Variants in DNAAF1 observed in about 807,000 individuals in gnomAD.
DNAAF1 encodes dynein axonemal assembly factor 1, also known as dynein assembly factor 1, axonemal.
A neutral mutation model predicts 71.1 loss-of-function variants in DNAAF1; 65 were observed. The observed-to-expected ratio is 0.91, with a 90% CI of 0.75 to 1.12. The LOEUF (loss-of-function observed/expected upper bound fraction) is 1.12, where lower values mean the gene tolerates loss of function less well. Ranked by LOEUF, DNAAF1 falls within the 50% of genes most tolerant of loss-of-function variation. The pLI, the probability that DNAAF1 is intolerant of heterozygous loss-of-function variation, is 0.00. For missense variants in DNAAF1, 1,178 were observed against 899.8 expected (o/e 1.31, Z -3.96); for synonymous variants, 414 against 354.6 (o/e 1.17, Z -1.88).
chr16:84,172,138 A>G (rs1020097614), intron 8 of DNAAF1, 122 bp from the exon 9 acceptor site: 4 of 902,124 alleles, frequency 4.4e-6, no homozygotes, highest in Admixed American at 2.0e-5. Context: ...TGGCCCCCCA[A>G]AGTGTTGGGA....
At chr16:84,160,447 C>G (rs2087646460) in intron 6 of DNAAF1, among the ~76,000 whole-genome samples, 1 of 152,108 alleles carries the variant, frequency 6.6e-6, no homozygotes, top group African/African-American at 2.4e-5. Context: ...TTTTAACTTA[C>G]TTTTAAATTT....
At chr16:84,173,252 A>C (rs1466447374) in intron 9 of DNAAF1, 1 of 881,122 alleles carries the variant, frequency 1.1e-6, no homozygotes. Flanking sequence ...TCACGAGGTC[A>C]GGAGATCGAG....
At position 84,177,746 on chromosome 16, in the gene DNAAF1, G is replaced by T; in HGVS notation, c.2083G>T (p.Ala695Ser). 3 of 1,613,826 alleles carry T rather than the reference G, an allele frequency of 1.9e-6. No individual in the cohort carries two copies. The highest frequency in any genetic ancestry group is 2.2e-5 in the East Asian group (1 of 44,878). Residue 695 changes from alanine to serine, a missense_variant, in exon 12 of 12, where the codon GCC becomes TCC. By Grantham distance (99) the Ala-to-Ser change is moderately conservative (BLOSUM62 1). Coordinates refer to ENST00000378553, the MANE Select transcript of DNAAF1 (RefSeq NM_178452.6). ...TTCCACAGTGCCGACTGAGAGCGCC[G>T]CCACACCCCCAGAGACGTGTGTCGG... is the stretch of plus-strand genomic sequence containing the variant. ...ASSPVPTESA[A>S]TPPETCVGVA...
intron 3 of DNAAF1, among the ~76,000 whole-genome samples, chr16:84,150,655 G>A (rs888833216): frequency 8.4e-6 from 1 of 119,212 alleles, no homozygotes; most frequent in Admixed American, 1.1e-4. Flanking sequence ...TTGCTCTGTT[G>A]CCCAAGCTGA....
At position 84,152,216 on chromosome 16, in the gene DNAAF1, G is replaced by A. The variant is rs568942449; in HGVS notation, c.352+1874G>A. Among the ~76,000 whole-genome samples, 3 of 152,308 alleles carry A rather than the reference G, an allele frequency of 2.0e-5. No individual in the cohort carries two copies. The South Asian group carries it at 6.2e-4, about 32-fold the overall frequency. ...TGGAGATGGCTTGAACAGCAAAGGG[G>A]GAGGAGATGGGGTAAGAGCTAGAGC... On this transcript the variant is annotated intron_variant, in intron 3 of 11. Coordinates refer to ENST00000378553, the MANE Select transcript of DNAAF1 (RefSeq NM_178452.6).
At position 84,145,464 on chromosome 16, in the gene DNAAF1, T is replaced by A; in HGVS notation, c.24T>A (p.Pro8=). MHPEPSE[P]ATGGAAELDC... The stretch of plus-strand genomic sequence containing the variant: ...ACATGCACCCTGAGCCCTCGGAGCC[T>A]GCGACAGGTGGTGCAGCAGAGCTGG... Residue 8 remains proline (P), a synonymous_variant, in exon 1 of 12, where the codon CCT becomes CCA. Coordinates refer to ENST00000378553, the MANE Select transcript of DNAAF1 (RefSeq NM_178452.6). The A allele has an allele frequency of 1.9e-6, 3 of 1,578,918 alleles. No homozygotes were observed. The highest frequency in any genetic ancestry group is 2.6e-6 in the Non-Finnish European group (3 of 1,162,870).
chr16:84,174,137 G>C (rs1453428873), intron 9 of DNAAF1: 8 of 985,330 alleles, frequency 8.1e-6, no homozygotes, highest in Non-Finnish European at 4.8e-6. Flanking sequence ...TGGTGGGGGA[G>C]TAACAACCTA....
chr16:84,166,858 T>G (rs1440152725), intron 7 of DNAAF1, among the ~76,000 whole-genome samples: 1 of 152,202 alleles, frequency 6.6e-6, no homozygotes, highest in Non-Finnish European at 1.5e-5. Context: ...GTAGGAAAAC[T>G]CAAATAGGTT....
At chr16:84,153,162 A>G (rs547499796) in intron 3 of DNAAF1, among the ~76,000 whole-genome samples, 1 of 152,138 alleles carries the variant, frequency 6.6e-6, no homozygotes, top group Non-Finnish European at 1.5e-5. Context: ...AAAAAATCCT[A>G]TCTTTTATAG....
rs565729604 is a variant in DNAAF1, at chr16:84,149,308, A to G, written c.260+166A>G. Among the ~76,000 whole-genome samples, 4 of 152,312 alleles carry G rather than the reference A, an allele frequency of 2.6e-5. No individual in the cohort carries two copies. The East Asian group carries it at 7.7e-4, about 29-fold the overall frequency. Reference sequence around the variant, plus strand: ...CTGCCTCTGCCGCACAGCTGAGCGCACATTCTATTAAACTTTAATGCCAGA... The same window carrying G: ...CTGCCTCTGCCGCACAGCTGAGCGCGCATTCTATTAAACTTTAATGCCAGA... On this transcript the variant is annotated intron_variant, in intron 2 of 11. Coordinates refer to ENST00000378553, the MANE Select transcript of DNAAF1 (RefSeq NM_178452.6).
chr16:84,152,597 A>G (rs1002639396), intron 3 of DNAAF1, among the ~76,000 whole-genome samples: 94 of 150,294 alleles, frequency 6.3e-4, no homozygotes, highest in Non-Finnish European at 1.9e-4. Context: ...GCAGTGAGCC[A>G]AGATTGTGCT....
At chr16:84,174,475 A>C in intron 9 of DNAAF1, 194 bp from the exon 10 acceptor site, 1 of 1,463,936 alleles carries the variant, frequency 6.8e-7, no homozygotes, top group Non-Finnish European at 9.0e-7. Flanking sequence ...AGATCCAGAC[A>C]CCTGAGGTGG....
At chr16:84,156,851 C>CTTTTTTTTTTTTTT (rs778916785) in intron 5 of DNAAF1, among the ~76,000 whole-genome samples, 10 of 111,804 alleles carry the variant, frequency 8.9e-5, no homozygotes, top group African/African-American at 1.4e-4. Context: ...TTCTTTCTTT[C>CTTTTTTTTTTTTTT]TTTTTTTTTT....
At chr16:84,152,564 C>T (rs545288449) in intron 3 of DNAAF1, among the ~76,000 whole-genome samples, 16 of 150,730 alleles carry the variant, frequency 1.1e-4, no homozygotes, top group Non-Finnish European at 8.8e-5. Context: ...GCAGGAGAAT[C>T]GCTTGAACCC....
intron 3 of DNAAF1, among the ~76,000 whole-genome samples, chr16:84,151,726 T>C (rs1597406992): frequency 1.3e-5 from 2 of 152,314 alleles, no homozygotes; most frequent in Admixed American, 1.3e-4. Flanking sequence ...CATGAGGCAG[T>C]AGCCAGACTG....
In DNAAF1 at chr16:84,154,753, G is replaced by T; in HGVS notation, c.529G>T (p.Ala177Ser). The T allele has an allele frequency of 1.9e-6, 3 of 1,614,128 alleles. No homozygotes were observed. Residue 177 changes from alanine (A) to serine (S), a missense_variant, in exon 4 of 12, where the codon GCT becomes TCT. Coordinates refer to ENST00000378553, the MANE Select transcript of DNAAF1 (RefSeq NM_178452.6). Reference sequence around the variant, plus strand: ...CCTGGAACCTCTGCAGAAACTGGATGCTCTTAACCTCAGCAACAATTACAT... The same window carrying T: ...CCTGGAACCTCTGCAGAAACTGGATTCTCTTAACCTCAGCAACAATTACAT... ...ENLEPLQKLD[A>S]LNLSNNYIKT...
chr16:84,146,149 AC>A (rs1337471336), intron 1 of DNAAF1, among the ~76,000 whole-genome samples: 1 of 152,140 alleles, frequency 6.6e-6, no homozygotes, highest in Admixed American at 6.5e-5. Context: ...TCAGGCCCAG[AC>A]AGTCTGGGTC....
rs755873006 is a variant in DNAAF1, at chr16:84,165,934, G to C, written c.1015G>C (p.Glu339Gln). ...QRAEERKRQR[E>Q]SQERGEMTSS... ...GGCAGAGGAGAGGAAAAGACAGAGA[G>C]AGAGTCAAGAGAGAGGTATGCGCTC... is the stretch of plus-strand genomic sequence containing the variant. The change falls in exon 7 of 12, where the codon GAG (glutamate) becomes CAG (glutamine). Residue 339 changes from glutamate to glutamine, a missense_variant. By Grantham distance (29) the Glu-to-Gln change is conservative (BLOSUM62 2). Transcript: ENST00000378553. 3 of 1,612,988 alleles carry C rather than the reference G, an allele frequency of 1.9e-6. No individual in the cohort carries two copies. The highest frequency in any genetic ancestry group is 2.5e-6 in the Non-Finnish European group (3 of 1,179,746).
chr16:84,170,310 C>G lies in DNAAF1; in HGVS notation c.1482C>G (p.Leu494=). The change falls in exon 8 of 12, where the codon CTC becomes CTG. Residue 494 remains leucine (L), a synonymous_variant. Coordinates refer to ENST00000378553, the MANE Select transcript of DNAAF1 (RefSeq NM_178452.6). The part of the protein sequence containing the change: ...EDGDREPEGT[L]PAEAPPPPPL... Reference sequence around the variant, plus strand: ...GAGATCGAGAGCCAGAGGGGACCCTCCCAGCTGAGGCCCCACCACCACCGC... The same window carrying G: ...GAGATCGAGAGCCAGAGGGGACCCTGCCAGCTGAGGCCCCACCACCACCGC... 1 of 1,611,944 alleles carries G rather than the reference C, an allele frequency of 6.2e-7. No individual in the cohort carries two copies. Among genetic ancestry groups the G allele is most frequent in the South Asian group, 1.1e-5 (1 of 90,964 alleles).
Sources: allele counts gnomAD v4.1 joint callset (sites outside exome capture counted in the v4.1 genomes callset), GRCh38; gene constraint gnomAD v4.1.1; transcripts MANE v1.5; gene names NCBI Gene and HGNC (gene_info 2026-07-23, HGNC 2026-07-21).